The following NKAIN3 variants were observed in gnomAD, a reference collection of about 807,000 sequenced individuals.
NKAIN3 encodes sodium/potassium-transporting ATPase subunit beta-1-interacting protein 3.
A neutral mutation model predicts 30.2 loss-of-function variants in NKAIN3; 25 were observed. That is an observed-to-expected ratio of 0.83 (90% CI 0.60 to 1.16). The LOEUF (loss-of-function observed/expected upper bound fraction) is 1.16. Ranked by LOEUF, NKAIN3 falls within the 50% of genes most tolerant of loss-of-function variation. The pLI, the probability that NKAIN3 is intolerant of heterozygous loss-of-function variation, is 0.00. For missense variants in NKAIN3, 225 were observed against 254.1 expected (o/e 0.89, Z 0.78); for synonymous variants, 91 against 89.6 (o/e 1.02, Z -0.09).
At chr8:62,402,020 GAT>G (rs1317533908) in intron 1 of NKAIN3, among the ~76,000 whole-genome samples, 1 of 152,178 alleles carries the variant, frequency 6.6e-6, no homozygotes, top group Non-Finnish European at 1.5e-5. Flanking sequence ...AGTGTCCCCT[GAT>G]CACAGTTAGG....
At chr8:62,530,347 C>T (rs907768256) in intron 1 of NKAIN3, among the ~76,000 whole-genome samples, 1 of 152,062 alleles carries the variant, frequency 6.6e-6, no homozygotes, top group African/African-American at 2.4e-5. Context: ...AGTCAAGTAA[C>T]TTTTAAAAGT....
chr8:62,719,083 A>T (rs887029334), intron 3 of NKAIN3, among the ~76,000 whole-genome samples: 2 of 152,214 alleles, frequency 1.3e-5, no homozygotes, highest in Admixed American at 1.3e-4. Context: ...TTGTTGTGCC[A>T]ATGGTGGTTT....
chr8:62,327,364 T>C (rs1242907509), intron 1 of NKAIN3, among the ~76,000 whole-genome samples: 2 of 152,088 alleles, frequency 1.3e-5, no homozygotes, highest in Non-Finnish European at 2.9e-5. Context: ...CGTGTGTCTT[T>C]AGTGTCATAT....
In NKAIN3 at chr8:62,968,981, A is replaced by C. The variant is rs1381474609; in HGVS notation, c.*3574A>C. Among the ~76,000 whole-genome samples the C allele has an allele frequency of 6.6e-6, 1 of 152,166 alleles. No individual in the cohort carries two copies. Among genetic ancestry groups the C allele is most frequent in the African/African-American group, 2.4e-5 (1 of 41,442 alleles). On this transcript the variant is annotated 3_prime_UTR_variant, in exon 7 of 7. Coordinates refer to ENST00000623646, the MANE Select transcript of NKAIN3 (RefSeq NM_001304533.3). ...AGAGAAATCTCAAACATCTCTTAGG[A>C]AAATCTCTAAATGTGTATATCCCCA...
At chr8:62,658,594 A>G (rs556236064) in intron 3 of NKAIN3, among the ~76,000 whole-genome samples, 1 of 152,328 alleles carries the variant, frequency 6.6e-6, no homozygotes, top group African/African-American at 2.4e-5. Flanking sequence ...AGTCTTTAAA[A>G]TAAGTACAGT....
chr8:62,416,676 TATTG>T (rs1334347353), intron 1 of NKAIN3, among the ~76,000 whole-genome samples: 2 of 152,174 alleles, frequency 1.3e-5, no homozygotes, highest in Non-Finnish European at 2.9e-5. Context: ...AATTATACTT[TATTG>T]GTTATTTTAA....
At chr8:62,390,071 C>G (rs1318505404) in intron 1 of NKAIN3, among the ~76,000 whole-genome samples, 1 of 151,912 alleles carries the variant, frequency 6.6e-6, no homozygotes, top group Non-Finnish European at 1.5e-5. Context: ...GTCGGCATCC[C>G]TGTTATATTG....
chr8:62,950,558 A>C (rs1178376663), intron 5 of NKAIN3, among the ~76,000 whole-genome samples: 1 of 152,210 alleles, frequency 6.6e-6, no homozygotes, highest in African/African-American at 2.4e-5. Context: ...TTATTTCTAG[A>C]GTTTACAACA....
At chr8:62,284,071 A>G (rs748383070) in intron 1 of NKAIN3, among the ~76,000 whole-genome samples, 34 of 152,108 alleles carry the variant, frequency 2.2e-4, no homozygotes, top group Non-Finnish European at 4.4e-4. Flanking sequence ...GAGACCTGTG[A>G]CCACATAGCC....
At chr8:62,576,551 A>G (rs827682) in intron 1 of NKAIN3, among the ~76,000 whole-genome samples, 114,871 of 152,018 alleles carry the variant, frequency 0.76, 43,683 homozygotes, top group Non-Finnish European at 0.8. Context: ...TTTCTGAATC[A>G]CAACCACTGT....
At chr8:62,961,046 G>A (rs994869574) in intron 6 of NKAIN3, among the ~76,000 whole-genome samples, 13 of 152,134 alleles carry the variant, frequency 8.5e-5, no homozygotes, top group Non-Finnish European at 1.5e-4. Context: ...CTGGGAGACC[G>A]AGGCGGGCAG....
chr8:62,560,562 G>A (rs550150889), intron 1 of NKAIN3, among the ~76,000 whole-genome samples: 71 of 75,164 alleles, frequency 9.4e-4, no homozygotes, highest in Admixed American at 4.8e-3. Context: ...TTTTTGAGAC[G>A]AAGTTTCTCT....
intron 1 of NKAIN3, among the ~76,000 whole-genome samples, chr8:62,403,851 G>A (rs986101214): frequency 1.3e-5 from 2 of 152,296 alleles, no homozygotes; most frequent in South Asian, 2.1e-4. Flanking sequence ...ACCCCAGAAT[G>A]GTAGATCCAC....
intron 4 of NKAIN3, among the ~76,000 whole-genome samples, chr8:62,839,301 A>G (rs17266444): frequency 0.078 from 11,823 of 151,204 alleles, 525 homozygotes; most frequent in South Asian, 0.14. Context: ...ATTTGCCTAC[A>G]TTAAAAAAAA....
Position 62,965,913 on chromosome 8 carries a change from T to C in NKAIN3, c.*506T>C. 6.1e-6 allele frequency: 6 copies of C among 985,370 alleles called. No individual in the cohort carries two copies. Among genetic ancestry groups the C allele is most frequent in the Non-Finnish European group, 7.2e-6 (6 of 829,870 alleles). The allele number at this position is 985,370 out of a possible 1,614,324, so 61.0% of individuals were successfully genotyped here. A position where few individuals can be genotyped will look rare whatever the true frequency, so the allele number is the denominator to read the frequency against. The stretch of plus-strand genomic sequence containing the variant: ...ATGGATCCAGCTTTTGGATTGAATA[T>C]GGGTCATTTTTTCAACAGCATAAAA... On this transcript the variant is annotated 3_prime_UTR_variant, in exon 7 of 7. Coordinates refer to ENST00000623646, the MANE Select transcript of NKAIN3 (RefSeq NM_001304533.3).
At chr8:62,937,833 C>A (rs565735686) in intron 5 of NKAIN3, among the ~76,000 whole-genome samples, 4 of 151,970 alleles carry the variant, frequency 2.6e-5, no homozygotes, top group Admixed American at 1.3e-4. Flanking sequence ...TTACTGGTTG[C>A]GTGGAAATAA....
At chr8:62,720,000 G>A (rs867371157) in intron 3 of NKAIN3, among the ~76,000 whole-genome samples, 12 of 151,748 alleles carry the variant, frequency 7.9e-5, no homozygotes, top group African/African-American at 1.9e-4. Flanking sequence ...CTTGTGATCC[G>A]CCCGCCTCCG....
intron 3 of NKAIN3, among the ~76,000 whole-genome samples, chr8:62,719,767 T>TTG (rs1382794807): frequency 6.8e-6 from 1 of 146,570 alleles, no homozygotes; most frequent in African/African-American, 2.5e-5. Flanking sequence ...TTTTTTTTTT[T>TTG]TTTTTTTGAG....
chr8:62,259,902 G>T (rs1812380905), intron 1 of NKAIN3, among the ~76,000 whole-genome samples: 1 of 152,164 alleles, frequency 6.6e-6, no homozygotes, highest in Non-Finnish European at 1.5e-5. Flanking sequence ...GGCGGCAGGA[G>T]TTGGAGTACT....
Sources: allele counts gnomAD v4.1 joint callset (sites outside exome capture counted in the v4.1 genomes callset), GRCh38; gene constraint gnomAD v4.1.1; transcripts MANE v1.5; gene names NCBI Gene and HGNC (gene_info 2026-07-23, HGNC 2026-07-21).